ATG13: variants seen among roughly 807,000 people sequenced by gnomAD.
ATG13 encodes the protein autophagy related 13.
In ATG13, 23 loss-of-function variants were observed where a neutral mutation model predicts 65.5. That is an observed-to-expected ratio of 0.35 (90% confidence interval 0.25 to 0.50). The LOEUF is 0.50. Among genes scored for constraint, ATG13 ranks in the 20% least tolerant of loss-of-function variants. The pLI, the probability that ATG13 is intolerant of heterozygous loss-of-function variation, is 0.98. For missense variants in ATG13, 566 were observed against 677.0 expected, an observed-to-expected ratio of 0.84 and a Z score of 1.82; for synonymous variants, 252 against 245.2, an observed-to-expected ratio of 1.03 and a Z score of -0.26.
At chr11:46,631,099 A>G (rs976373119) in intron 2 of ATG13, 1 of 151,874 alleles carries the variant, frequency 6.6e-6, no homozygotes, top group African/African-American at 2.4e-5. Flanking sequence ...TAGCTTTTTT[A>G]TGTCTGTGCT....
rs2050243742 is a variant in ATG13, at chr11:46,627,819, T to C, written c.-69-2226T>C. On this transcript the variant is annotated intron_variant, in intron 1 of 18. Coordinates refer to ENST00000683050, the MANE Select transcript of ATG13 (RefSeq NM_001346311.2). Reference sequence around the variant, plus strand: ...TTTTAAGGCCAAGCGCAGTGGCTCATGCCTGCAATCCCCAGCAGTCTGGGA... The same window carrying C: ...TTTTAAGGCCAAGCGCAGTGGCTCACGCCTGCAATCCCCAGCAGTCTGGGA... 2.0e-5 allele frequency among the ~76,000 whole-genome samples: 3 copies of C among 152,082 alleles called. No homozygotes were observed. In the South Asian group the frequency reaches 6.2e-4, roughly 32 times the overall value.
rs2062296657 is a variant in ATG13 at position 46,666,093 on chromosome 11, C to T, written c.1136+574C>T. On this transcript the variant is annotated intron_variant, in intron 14 of 18. Coordinates refer to ENST00000683050, the MANE Select transcript of ATG13 (RefSeq NM_001346311.2). ...AAGTGCGGGGATTACAGGCGTGAGC[C>T]ACCACGCACAGCCTCAAAAATATTT... Among the ~76,000 whole-genome samples the T allele has an allele frequency of 2.0e-5, 3 of 152,230 alleles. No individual in the cohort carries two copies. In the South Asian group the frequency reaches 6.2e-4, roughly 32 times the overall value.
intron 14 of ATG13, among the ~76,000 whole-genome samples, chr11:46,666,997 C>T (rs931522258): frequency 6.6e-6 from 1 of 152,108 alleles, no homozygotes. Context: ...TCCCTTTTCT[C>T]CCTCTGTTAG....
At chr11:46,657,751 C>T (rs529342852) in intron 10 of ATG13, 129 bp downstream of exon 10, 23 of 755,626 alleles carry the variant, frequency 3.0e-5, no homozygotes, top group African/African-American at 2.2e-4. Context: ...GGAGACCCCA[C>T]GTGGAGAGAA....
At chr11:46,619,174 A>G (rs1371537204) in intron 1 of ATG13, among the ~76,000 whole-genome samples, 2 of 152,110 alleles carry the variant, frequency 1.3e-5, no homozygotes, top group Non-Finnish European at 2.9e-5. Context: ...AAACCAATAA[A>G]AACTGAAAAT....
chr11:46,645,955 C>T lies in ATG13; in HGVS notation c.236C>T (p.Ser79Phe). ...GGACAGCTGCCTGCAGTCGGGAGGT[C>T]CATGTGTGTGGAGATTTCACTTAAG... is the stretch of plus-strand genomic sequence containing the variant. ...LAGQLPAVGR[S>F]MCVEISLKTS... is the part of the protein sequence containing the mutation. Residue 79 changes from serine (S) to phenylalanine (F), a missense_variant, in exon 5 of 19, where the codon TCC (serine) becomes TTC (phenylalanine). Around this residue, in one of 2 missense-constraint regions of ATG13, gnomAD observed 179 missense variants for 267.2 expected, o/e 0.67. Transcript: ENST00000683050. The T allele has an allele frequency of 6.2e-7, 1 of 1,614,162 alleles. No homozygotes were observed.
intron 2 of ATG13, chr11:46,632,201 C>G (rs544605318): frequency 1.3e-5 from 2 of 151,900 alleles, no homozygotes; most frequent in Admixed American, 1.3e-4. Flanking sequence ...TTTTTTTTAC[C>G]TGATTAAGGC....
intron 3 of ATG13, 106 bp downstream of exon 3, chr11:46,644,466 G>C (rs1441241436): frequency 9.9e-7 from 1 of 1,014,504 alleles, no homozygotes; most frequent in Non-Finnish European, 1.4e-6. Flanking sequence ...CTTGCAGCTT[G>C]CCCATTTTAA....
At chr11:46,652,657 G>C (rs892720486) in intron 7 of ATG13, among the ~76,000 whole-genome samples, 2 of 152,012 alleles carry the variant, frequency 1.3e-5, no homozygotes, top group Non-Finnish European at 2.9e-5. Flanking sequence ...AGGCTTCAGT[G>C]AGCCATGATC....
At chr11:46,648,253 G>A (rs1271341155) in intron 5 of ATG13, among the ~76,000 whole-genome samples, 4 of 151,816 alleles carry the variant, frequency 2.6e-5, no homozygotes, top group African/African-American at 9.7e-5. Flanking sequence ...CCGCTACCAC[G>A]CCCAGCTAAT....
intron 7 of ATG13, among the ~76,000 whole-genome samples, chr11:46,654,479 G>A (rs1447972478): frequency 1.3e-5 from 2 of 151,562 alleles, no homozygotes; most frequent in Non-Finnish European, 2.9e-5. Flanking sequence ...CCAGCACTTT[G>A]GGAGAATGAG....
At chr11:46,649,098 A>T (rs774128345) in intron 5 of ATG13, 39 bp from the exon 6 acceptor site, 12 of 1,581,132 alleles carry the variant, frequency 7.6e-6, no homozygotes, top group East Asian at 2.3e-5. Flanking sequence ...GAAATTAAAA[A>T]TTTTTTAAAC....
intron 7 of ATG13, 143 bp from the exon 8 acceptor site, chr11:46,656,090 G>A (rs2059996946): frequency 3.0e-6 from 2 of 673,878 alleles, no homozygotes; most frequent in South Asian, 4.0e-5. Context: ...GAAGTAGTAG[G>A]AATTACTAAT....
At position 46,664,289 on chromosome 11, in the gene ATG13, C is replaced by A. The variant is rs1037164817; in HGVS notation, c.888+194C>A. The A allele has an allele frequency of 1.1e-5, 6 of 527,326 alleles. No homozygotes were observed. In the African/African-American group the frequency reaches 1.2e-4, roughly 10 times the overall value. The allele number at this position is 527,326 out of a possible 1,614,324, so 32.7% of individuals were successfully genotyped here. ...AAATAGGGAATTTTCATCTGCCCCT[C>A]CTCCTACCATTGATGTGAAAAATAC... On this transcript the variant is annotated intron_variant, in intron 12 of 18. Transcript: ENST00000683050.
intron 12 of ATG13, among the ~76,000 whole-genome samples, chr11:46,664,560 A>G (rs2137019689): frequency 6.6e-6 from 1 of 152,328 alleles, no homozygotes; most frequent in East Asian, 1.9e-4. Context: ...TTAGCACTGA[A>G]ACAGTTAGCT....
Position 46,665,507 on chromosome 11 carries a change from C to T in ATG13, c.1124C>T (p.Thr375Ile), listed in dbSNP as rs768261923. Residue 375 changes from threonine to isoleucine, a missense_variant, in exon 14 of 19, where the codon ACA becomes ATA. By Grantham distance (89) the Thr-to-Ile change is moderately conservative (BLOSUM62 -1). Around this residue, in one of 2 missense-constraint regions of ATG13, gnomAD observed 387 missense variants for 409.8 expected, o/e 0.94. Transcript: ENST00000683050. Reference protein sequence around the residue: ...TPSDRTHCAATPSSSEDTETV... With the variant: ...TPSDRTHCAAIPSSSEDTETV... ...TCTGACAGAACCCACTGTGCTGCCACACCCTCCAGTAGGTGAGTTCACATT... is the reference window on the plus strand; with the variant it reads ...TCTGACAGAACCCACTGTGCTGCCATACCCTCCAGTAGGTGAGTTCACATT... 6.8e-6 allele frequency: 11 copies of T among 1,614,078 alleles called. No individual in the cohort carries two copies. The highest frequency in any genetic ancestry group is 2.5e-6 in the Non-Finnish European group (3 of 1,180,024).
chr11:46,621,531 G>T (rs1440826795), intron 1 of ATG13, among the ~76,000 whole-genome samples: 1 of 151,998 alleles, frequency 6.6e-6, no homozygotes, highest in Non-Finnish European at 1.5e-5. Context: ...CTAATTTTTA[G>T]GTTAATTTCT....
chr11:46,643,259 A>G (rs2056627530), intron 2 of ATG13, among the ~76,000 whole-genome samples: 1 of 152,176 alleles, frequency 6.6e-6, no homozygotes, highest in Admixed American at 6.5e-5. Flanking sequence ...AGCTCCAACA[A>G]CGTGTCCAAT....
intron 2 of ATG13, among the ~76,000 whole-genome samples, chr11:46,641,627 G>A (rs1341701259): frequency 6.6e-6 from 1 of 152,152 alleles, no homozygotes; most frequent in Non-Finnish European, 1.5e-5. Flanking sequence ...GGGGTGTAAT[G>A]GAACCTTCTA....
Sources: allele counts gnomAD v4.1 joint callset (sites outside exome capture counted in the v4.1 genomes callset), GRCh38; gene constraint gnomAD v4.1.1; regional missense constraint gnomAD v4.1.1; transcripts MANE v1.5; gene names NCBI Gene and HGNC (gene_info 2026-07-23, HGNC 2026-07-21).